Variants in RTL4 observed in about 807,000 individuals in gnomAD.
The protein encoded by RTL4 is retrotransposon Gag-like protein 4.
RTL4 carries 4 observed loss-of-function variants against 5.3 expected under a neutral mutation model. That is an observed-to-expected ratio of 0.75 (90% CI 0.37 to 1.72). The LOEUF (loss-of-function observed/expected upper bound fraction) is 1.72. Among genes scored for constraint, RTL4 ranks in the 40% most tolerant of loss-of-function variants. The probability of loss-of-function intolerance (pLI) is 0.04; values close to 1 mark genes in which losing one functional copy is unlikely to be tolerated. For synonymous variants in RTL4, 98 were observed against 87.3 expected (o/e 1.12, Z -0.68); for missense variants, 260 against 227.1 (o/e 1.14, Z -0.93).
the RTL4 span, among the ~76,000 whole-genome samples, chrX:112,146,311 T>C: frequency 1.8e-5 from 2 of 110,761 alleles, no homozygotes; most frequent in South Asian, 7.8e-4. Flanking sequence ...GAGCATTTAC[T>C]GAAATGAGGA....
rs760812084 is a variant in RTL4 at position 112,455,324 on chromosome X, C to T, written c.596C>T (p.Thr199Ile). The T allele has an allele frequency of 4.1e-6, 5 of 1,211,619 alleles. No homozygotes were observed. In the South Asian group the frequency reaches 8.8e-5, roughly 21 times the overall value. The change falls in exon 1 of 1, where the codon ACT (threonine) becomes ATT (isoleucine). Residue 199 changes from threonine to isoleucine, a missense_variant. Coordinates refer to ENST00000340433, the Ensembl canonical transcript of RTL4. ...CCCAACCAGGATGAAGAGAGTGTCA[C>T]TGATATGATGGACAATCTTCCAGAC...
chrX:112,383,212 T>G, the RTL4 span, among the ~76,000 whole-genome samples: 1 of 111,690 alleles, frequency 9.0e-6, no homozygotes, highest in African/African-American at 3.2e-5. Flanking sequence ...TATATATTTC[T>G]AGGATAGTTA....
At chrX:112,311,950 G>A in the RTL4 span, among the ~76,000 whole-genome samples, 1 of 111,227 alleles carries the variant, frequency 9.0e-6, no homozygotes, top group Non-Finnish European at 1.9e-5. Context: ...AAAAATAATT[G>A]ATACTCTACA....
the RTL4 span, among the ~76,000 whole-genome samples, chrX:112,316,351 C>T: frequency 9.0e-6 from 1 of 111,723 alleles, no homozygotes; most frequent in Admixed American, 9.6e-5. Flanking sequence ...CAGCTGCTAG[C>T]TGTGTGATAT....
chrX:112,207,700 A>G, the RTL4 span, among the ~76,000 whole-genome samples: 1 of 108,979 alleles, frequency 9.2e-6, no homozygotes, highest in African/African-American at 3.4e-5. Context: ...ATAGATAAAA[A>G]TAAAATTGCT....
At chrX:112,179,485 T>A in the RTL4 span, among the ~76,000 whole-genome samples, 500 of 112,087 alleles carry the variant, frequency 4.5e-3, no homozygotes, top group Non-Finnish European at 6.9e-3. Flanking sequence ...AAGCCGAATC[T>A]GGTATGTCAG....
chrX:112,265,171 C>G, the RTL4 span, among the ~76,000 whole-genome samples: 1 of 112,860 alleles, frequency 8.9e-6, no homozygotes, highest in African/African-American at 3.2e-5. Context: ...GACTTGCATT[C>G]CAGAGGCAGC....
At chrX:112,350,676 G>C in the RTL4 span, among the ~76,000 whole-genome samples, 3 of 111,497 alleles carry the variant, frequency 2.7e-5, no homozygotes, top group South Asian at 7.6e-4. Context: ...AGTATTCTCT[G>C]ACGGTAGTTT....
the RTL4 span, among the ~76,000 whole-genome samples, chrX:112,255,127 T>C: frequency 1.8e-5 from 2 of 111,665 alleles, no homozygotes; most frequent in Non-Finnish European, 3.8e-5. Flanking sequence ...TGCTATATAG[T>C]ATGCATAGTT....
the RTL4 span, among the ~76,000 whole-genome samples, chrX:112,265,902 T>C: frequency 1.8e-5 from 2 of 110,296 alleles, no homozygotes; most frequent in African/African-American, 6.6e-5. Context: ...GCCATACACC[T>C]GAAACTCTAC....
chrX:112,264,682 C>T, the RTL4 span, among the ~76,000 whole-genome samples: 1 of 111,685 alleles, frequency 9.0e-6, no homozygotes, highest in African/African-American at 3.3e-5. Flanking sequence ...CTCCATCTTC[C>T]TTCTCTTCCT....
At chrX:112,103,679 G>T in the RTL4 span, among the ~76,000 whole-genome samples, 13 of 110,806 alleles carry the variant, frequency 1.2e-4, no homozygotes, top group African/African-American at 4.2e-4. Flanking sequence ...GGGATGAAAA[G>T]AATAATAACT....
the RTL4 span, among the ~76,000 whole-genome samples, chrX:112,171,883 T>A: frequency 8.9e-6 from 1 of 112,210 alleles, no homozygotes. Context: ...ATTAAAGAGC[T>A]TCTGCATGGC....
chrX:112,131,127 A>C, the RTL4 span, among the ~76,000 whole-genome samples: 1 of 109,499 alleles, frequency 9.1e-6, no homozygotes. Flanking sequence ...GAAAAATTGT[A>C]GTATAGGTCT....
At chrX:112,101,673 G>T in the RTL4 span, among the ~76,000 whole-genome samples, 1 of 111,124 alleles carries the variant, frequency 9.0e-6, no homozygotes, top group Non-Finnish European at 1.9e-5. Context: ...AGTGAATAGT[G>T]TCCCCCTCAA....
chrX:112,326,225 C>T, the RTL4 span, among the ~76,000 whole-genome samples: 1 of 111,656 alleles, frequency 9.0e-6, no homozygotes, highest in Non-Finnish European at 1.9e-5. Flanking sequence ...GTGATTTCTG[C>T]TTTCCATCTG....
the RTL4 span, among the ~76,000 whole-genome samples, chrX:112,193,325 A>G: frequency 9.0e-6 from 1 of 111,042 alleles, no homozygotes; most frequent in South Asian, 3.7e-4. Flanking sequence ...TTTGAAATAT[A>G]CAATAAATTA....
the RTL4 span, among the ~76,000 whole-genome samples, chrX:112,410,185 G>A: frequency 1.8e-5 from 2 of 112,131 alleles, no homozygotes; most frequent in Non-Finnish European, 3.8e-5. Context: ...TATAACAATT[G>A]TTAATGTATA....
chrX:112,455,115 T>A, exon 1 of RTL4: 2 of 1,211,900 alleles, frequency 1.7e-6, no homozygotes, highest in Non-Finnish European at 2.2e-6. Context: ...AGAATCTTAT[T>A]CTTGAGTTCC....
Sources: gnomAD v4.1 joint callset for allele counts (sites outside exome capture counted in the v4.1 genomes callset) on GRCh38, gnomAD v4.1.1 for gene constraint, MANE v1.5 for transcripts, NCBI Gene and HGNC (gene_info 2026-07-23, HGNC 2026-07-21) for gene names.